GABRG3: variants seen among roughly 807,000 people sequenced by gnomAD.
GABRG3 encodes the protein gamma-aminobutyric acid type A receptor subunit gamma3, also known as gamma-aminobutyric acid receptor subunit gamma-3.
A neutral mutation model predicts 48.8 loss-of-function variants in GABRG3; 25 were observed. That is an observed-to-expected ratio of 0.51 (90% CI 0.37 to 0.72). The LOEUF is 0.72. GABRG3 is among the 30% of genes least tolerant of loss of function. GABRG3 has a pLI of 0.00. For missense variants in GABRG3, 394 were observed against 577.9 expected, an observed-to-expected ratio of 0.68 and a Z score of 3.26; for synonymous variants, 227 against 217.6, an observed-to-expected ratio of 1.04 and a Z score of -0.38.
At chr15:27,191,232 T>C (rs1434349143) in intron 3 of GABRG3, among the ~76,000 whole-genome samples, 1 of 152,206 alleles carries the variant, frequency 6.6e-6, no homozygotes, top group African/African-American at 2.4e-5. Context: ...TGTAGATGTC[T>C]ATTAGGTCAG....
intron 5 of GABRG3, among the ~76,000 whole-genome samples, chr15:27,408,664 A>T (rs897819831): frequency 6.6e-6 from 1 of 152,170 alleles, no homozygotes; most frequent in African/African-American, 2.4e-5. Flanking sequence ...GGTGTTTTCT[A>T]CTTCGGGGTG....
chr15:26,976,735 T>C lies in GABRG3; in HGVS notation c.54-267T>C, dbSNP rs1462051064. Among the ~76,000 whole-genome samples, 1 of 152,206 alleles carries C rather than the reference T, an allele frequency of 6.6e-6. No homozygotes were observed. The highest frequency in any genetic ancestry group is 1.5e-5 in the Non-Finnish European group (1 of 68,046). On this transcript the variant is annotated intron_variant, in intron 1 of 9. Coordinates refer to ENST00000615808, the MANE Select transcript of GABRG3 (RefSeq NM_033223.5). The surrounding 1 kb of genome is among the most constrained non-coding windows in gnomAD (Gnocchi z 7.8). ...CTGGTGTTGTTTACCTGCCACGTTG[T>C]CTGTAGTTTAACTGGGATGGGGGAT...
chr15:27,379,243 T>C (rs1258934297), intron 5 of GABRG3, among the ~76,000 whole-genome samples: 1 of 152,194 alleles, frequency 6.6e-6, no homozygotes, highest in Non-Finnish European at 1.5e-5. Flanking sequence ...TTGTTTGGGG[T>C]TGTACTTGAG....
intron 3 of GABRG3, among the ~76,000 whole-genome samples, chr15:27,320,249 C>G (rs1893374584): frequency 6.6e-6 from 1 of 152,192 alleles, no homozygotes; most frequent in African/African-American, 2.4e-5. Flanking sequence ...CCTCTGACAT[C>G]CCCTGTCACC....
chr15:27,239,157 CG>C (rs1295536175), intron 3 of GABRG3, among the ~76,000 whole-genome samples: 4 of 152,066 alleles, frequency 2.6e-5, no homozygotes, highest in Admixed American at 1.3e-4. Context: ...CTTTTGGATA[CG>C]AAGATGAAGG....
At chr15:27,045,468 G>A (rs771918880) in intron 3 of GABRG3, among the ~76,000 whole-genome samples, 3 of 152,030 alleles carry the variant, frequency 2.0e-5, no homozygotes, top group Non-Finnish European at 2.9e-5. Flanking sequence ...TTCCCTTTCC[G>A]GTGTGCACCC....
chr15:27,505,869 G>A (rs1197563554), intron 6 of GABRG3, among the ~76,000 whole-genome samples: 2 of 152,150 alleles, frequency 1.3e-5, no homozygotes, highest in Non-Finnish European at 2.9e-5. Context: ...GGTATAATTT[G>A]CTAGTGAAGC....
At position 27,435,735 on chromosome 15, in the gene GABRG3, C is replaced by T. The variant is rs577187952; in HGVS notation, c.575-44915C>T. Among the ~76,000 whole-genome samples, 221 of 152,260 alleles carry T rather than the reference C, an allele frequency of 1.5e-3. 4 individuals are homozygous for T. Among genetic ancestry groups the T allele is most frequent in the Non-Finnish European group, 4.0e-4 (27 of 68,026 alleles). ...CCTACTAAAGTGATTATTCTAAACC[C>T]GGAGAGAGGCTAGCATCCAGAATTT... On this transcript the variant is annotated intron_variant, in intron 5 of 9. Transcript: ENST00000615808.
chr15:27,114,393 C>T (rs537772473), intron 3 of GABRG3, among the ~76,000 whole-genome samples: 3 of 152,304 alleles, frequency 2.0e-5, no homozygotes, highest in South Asian at 4.1e-4. Context: ...TTCAGGGCTA[C>T]CTGATCTTAC....
intron 3 of GABRG3, among the ~76,000 whole-genome samples, chr15:27,052,721 A>G (rs1057107570): frequency 4.6e-5 from 7 of 152,240 alleles, no homozygotes; most frequent in Admixed American, 6.5e-5. Context: ...TGGGGGAAAG[A>G]TTAACCTGGA....
intron 3 of GABRG3, among the ~76,000 whole-genome samples, chr15:27,296,922 G>C (rs921891777): frequency 1.0e-4 from 15 of 150,646 alleles, no homozygotes; most frequent in Admixed American, 8.0e-4. Flanking sequence ...CGCTGTTATC[G>C]TAGGAGATGA....
At chr15:26,990,022 C>T (rs1406359751) in intron 2 of GABRG3, among the ~76,000 whole-genome samples, 3 of 152,180 alleles carry the variant, frequency 2.0e-5, no homozygotes, top group African/African-American at 7.2e-5. Context: ...ATCCATTCAT[C>T]TGTTCATGGA....
At chr15:27,278,545 T>C (rs1349481846) in intron 3 of GABRG3, among the ~76,000 whole-genome samples, 2 of 152,164 alleles carry the variant, frequency 1.3e-5, no homozygotes, top group East Asian at 3.9e-4. Flanking sequence ...AATTGAATTG[T>C]ATATTAGGTA....
At chr15:27,242,092 A>G (rs1002616705) in intron 3 of GABRG3, among the ~76,000 whole-genome samples, 1 of 152,220 alleles carries the variant, frequency 6.6e-6, no homozygotes, top group African/African-American at 2.4e-5. Context: ...CCAGCACGAG[A>G]TGCCTGGTTT....
intron 3 of GABRG3, among the ~76,000 whole-genome samples, chr15:27,099,021 A>G (rs985663026): frequency 3.3e-5 from 5 of 152,204 alleles, no homozygotes; most frequent in African/African-American, 4.8e-5. Flanking sequence ...GGATATGATC[A>G]AAACTCACTT....
At chr15:27,113,285 C>G (rs762657948) in intron 3 of GABRG3, among the ~76,000 whole-genome samples, 2 of 151,962 alleles carry the variant, frequency 1.3e-5, no homozygotes, top group Non-Finnish European at 2.9e-5. Context: ...CCTCCAAGTT[C>G]CCTTTTCTTC....
intron 5 of GABRG3, among the ~76,000 whole-genome samples, chr15:27,479,312 C>G (rs1319544275): frequency 6.6e-6 from 1 of 152,222 alleles, no homozygotes; most frequent in Admixed American, 6.5e-5. Context: ...GTGTTTGATT[C>G]CTTCATAGAA....
intron 3 of GABRG3, among the ~76,000 whole-genome samples, chr15:27,125,679 C>T (rs962457205): frequency 6.6e-6 from 1 of 152,102 alleles, no homozygotes; most frequent in African/African-American, 2.4e-5. Flanking sequence ...TAACTTTGTT[C>T]GATATTAGCA....
intron 3 of GABRG3, among the ~76,000 whole-genome samples, chr15:27,059,714 G>A (rs918021075): frequency 1.3e-5 from 2 of 152,198 alleles, no homozygotes; most frequent in Non-Finnish European, 2.9e-5. Flanking sequence ...AGAGTGAAAG[G>A]GTTTCCTGCC....
Sources: gnomAD v4.1 joint callset for allele counts (sites outside exome capture counted in the v4.1 genomes callset) on GRCh38, gnomAD v4.1.1 for gene constraint, Gnocchi (gnomAD v3.1) non-coding constraint, MANE v1.5 for transcripts, NCBI Gene and HGNC (gene_info 2026-07-23, HGNC 2026-07-21) for gene names.